TYMS: variants seen among roughly 807,000 people sequenced by gnomAD.
TYMS encodes thymidylate synthetase, also known as thymidylate synthase.
Under a neutral mutation model 39.3 loss-of-function variants are expected in TYMS, and 21 were observed. That is an observed-to-expected ratio of 0.54 (90% CI 0.38 to 0.77). The LOEUF (loss-of-function observed/expected upper bound fraction) is 0.77. Among genes scored for constraint, TYMS ranks in the 30% least tolerant of loss-of-function variants. The pLI is 0.00. For synonymous variants in TYMS, 171 were observed against 162.2 expected, an observed-to-expected ratio of 1.05 and a Z score of -0.41; for missense variants, 273 against 406.7, an observed-to-expected ratio of 0.67 and a Z score of 2.83.
At chr18:666,323 G>A (rs959395466) in intron 3 of TYMS, among the ~76,000 whole-genome samples, 5 of 151,888 alleles carry the variant, frequency 3.3e-5, no homozygotes, top group African/African-American at 2.4e-5. Context: ...TCTCCCTTTC[G>A]AGGCTGAGCC....
chr18:667,900 T>C lies in TYMS; in HGVS notation c.455-1172T>C, dbSNP rs147676914. On this transcript the variant is annotated intron_variant, in intron 3 of 6. Transcript: ENST00000323274. ...AAAAGGCCTAATAAAATTATGGTTT[T>C]AGTTTACAGTGGTATGAATGCTTAG... 1.8e-4 allele frequency: 27 copies of C among 152,142 alleles called. No individual in the cohort carries two copies. In the East Asian group the frequency reaches 5.2e-3, roughly 29 times the overall value. The allele number at this position is 152,142 out of a possible 1,614,324, so 9.4% of individuals were successfully genotyped here.
Position 670,780 on chromosome 18 carries a change from A to G in TYMS, c.645A>G (p.Arg215=). 6.2e-7 allele frequency: 1 copy of G among 1,614,000 alleles called. No individual in the cohort carries two copies. The highest frequency in any genetic ancestry group is 2.2e-5 in the East Asian group (1 of 44,870). ...AGCTGTCCTGCCAGCTGTACCAGAG[A>G]TCGGGAGACATGGGCCTCGGTGTGC... is the stretch of plus-strand genomic sequence containing the variant. ...NSELSCQLYQ[R]SGDMGLGVPF... Residue 215 remains arginine, a synonymous_variant, in exon 5 of 7, where the codon AGA becomes AGG. Transcript: ENST00000323274.
Position 671,469 on chromosome 18 carries a change from T to C in TYMS, c.804+18T>C, listed in dbSNP as rs372108627. The C allele has an allele frequency of 2.1e-4, 326 of 1,567,576 alleles. No homozygotes were observed. The highest frequency in any genetic ancestry group is 2.8e-4 in the Non-Finnish European group (315 of 1,138,500). ...AAATTCAGGTAAGAATTAGATGTTA[T>C]ACTTTTGGGTTTGGTACCTTCTCTT... On this transcript the variant is annotated intron_variant, in intron 6 of 6. Transcript: ENST00000323274.
At chr18:659,510 C>T in intron 1 of TYMS, 131 bp from the exon 2 acceptor site, 1 of 741,340 alleles carries the variant, frequency 1.3e-6, no homozygotes, top group South Asian at 1.6e-5. Flanking sequence ...ATCTCTGGCC[C>T]ACTTTGCGGG....
chr18:657,796 G>A lies in TYMS; in HGVS notation c.54G>A (p.Gln18=), dbSNP rs1432304752. The change falls in exon 1 of 7, where the codon CAG becomes CAA. Residue 18 remains glutamine (Q), a synonymous_variant. Transcript: ENST00000323274. ...LPRRPLPPAA[Q]ERDAEPRPPH... ...GCCGGCCCTTGCCCCCCGCCGCACA[G>A]GAGCGGGACGCCGAGCCGCGTCCGC... 1 of 1,462,682 alleles carries A rather than the reference G, an allele frequency of 6.8e-7. No individual in the cohort carries two copies. Among genetic ancestry groups the A allele is most frequent in the Non-Finnish European group, 9.0e-7 (1 of 1,113,840 alleles). The allele number at this position is 1,462,682 out of a possible 1,614,324, so 90.6% of individuals were successfully genotyped here.
At chr18:669,006 T>TA (rs1178686492) in intron 3 of TYMS, 66 bp from the exon 4 acceptor site, 20 of 1,359,648 alleles carry the variant, frequency 1.5e-5, no homozygotes, top group Admixed American at 5.1e-5. Context: ...AGATGACCTC[T>TA]AAGGCCATCT....
rs2074736849 is a variant in TYMS at position 659,688 on chromosome 18, T to G, written c.253T>G (p.Leu85Val). The G allele has an allele frequency of 6.2e-7, 1 of 1,614,170 alleles. No homozygotes were observed. The change falls in exon 2 of 7, where the codon TTG (leucine) becomes GTG (valine). Residue 85 changes from leucine to valine, a missense_variant. Leu to Val is a conservative substitution (Grantham distance 32). Coordinates refer to ENST00000323274, the MANE Select transcript of TYMS (RefSeq NM_001071.4). ...TTKRVFWKGV[L>V]EELLWFIKGS... ...CAAACGTGTGTTCTGGAAGGGTGTTTTGGAGGAGTTGCTGTGGTTTATCAA... is the reference window on the plus strand; with the variant it reads ...CAAACGTGTGTTCTGGAAGGGTGTTGTGGAGGAGTTGCTGTGGTTTATCAA...
At position 671,384 on chromosome 18, in the gene TYMS, G is replaced by C. The variant is rs1448674651; in HGVS notation, c.737G>C (p.Gly246Ala). Residue 246 changes from glycine to alanine, a missense_variant, in exon 6 of 7, where the codon GGT (glycine) becomes GCT (alanine). This residue lies in a region of TYMS where 228 missense variants were observed against 326.1 expected (regional missense o/e 0.70). Transcript: ENST00000323274. ...CTTTCTCCCCCGGGTTTATAGCCAGGTGACTTTATACACACTTTGGGAGAT... is the reference window on the plus strand; with the variant it reads ...CTTTCTCCCCCGGGTTTATAGCCAGCTGACTTTATACACACTTTGGGAGAT... ...MIAHITGLKP[G>A]DFIHTLGDAH... 1 of 1,609,288 alleles carries C rather than the reference G, an allele frequency of 6.2e-7. No homozygotes were observed. Among genetic ancestry groups the C allele is most frequent in the Admixed American group, 1.7e-5 (1 of 59,968 alleles).
chr18:668,038 A>C (rs2853527), intron 3 of TYMS, among the ~76,000 whole-genome samples: 2 of 139,844 alleles, frequency 1.4e-5, no homozygotes, highest in East Asian at 4.4e-4. Context: ...CCCTGGACAC[A>C]CTACCCAGTT....
chr18:665,164 G>A (rs1243436785), intron 3 of TYMS, among the ~76,000 whole-genome samples: 3 of 151,136 alleles, frequency 2.0e-5, no homozygotes, highest in Non-Finnish European at 4.4e-5. Context: ...CTTTTTGGTT[G>A]GTAAGCTATT....
rs1323046320 is a variant in TYMS at position 666,927 on chromosome 18, T to TGATGGA, written c.455-2140_455-2139insAGATGG. On this transcript the variant is annotated intron_variant, in intron 3 of 6. Transcript: ENST00000323274. ...GAGATGGTGATGGTGATGGAGATGG[T>TGATGGA]GATGGTGATGGAGATGGTGATGGTG... 1.5e-4 allele frequency among the ~76,000 whole-genome samples: 8 copies of TGATGGA among 54,662 alleles called. 2 individuals carry two copies. Among genetic ancestry groups the TGATGGA allele is most frequent in the Admixed American group, 1.1e-3 (6 of 5,356 alleles). 35.9% of individuals were successfully genotyped at this position (54,662 alleles called of 152,430 possible).
chr18:657,884 G>A lies in TYMS; in HGVS notation c.142G>A (p.Asp48Asn), dbSNP rs1470616694. Residue 48 changes from aspartate to asparagine, a missense_variant, in exon 1 of 7, where the codon GAC becomes AAC. By Grantham distance (23) the Asp-to-Asn change is conservative. Around this residue, in one of 3 missense-constraint regions of TYMS, gnomAD observed 228 missense variants for 326.1 expected, o/e 0.70. Transcript: ENST00000323274. ...QHILRCGVRK[D>N]DRTGTGTLSV... ...CATCCTCCGCTGCGGCGTCAGGAAGGACGACCGCACGGGCACCGGCACCCT... is the reference window on the plus strand; with the variant it reads ...CATCCTCCGCTGCGGCGTCAGGAAGAACGACCGCACGGGCACCGGCACCCT... 3 of 1,512,362 alleles carry A rather than the reference G, an allele frequency of 2.0e-6. No individual in the cohort carries two copies. The highest frequency in any genetic ancestry group is 2.6e-6 in the Non-Finnish European group (3 of 1,136,602). The allele number at this position is 1,512,362 out of a possible 1,614,324, so 93.7% of individuals were successfully genotyped here. A position where few individuals can be genotyped will look rare whatever the true frequency, so the allele number is the denominator to read the frequency against.
intron 3 of TYMS, among the ~76,000 whole-genome samples, chr18:663,766 A>C (rs62090106): frequency 0.28 from 19,793 of 71,794 alleles, 3,011 homozygotes; most frequent in African/African-American, 0.48. Flanking sequence ...CCATTTATTA[A>C]ATAGGGAATC....
At chr18:666,280 C>CA (rs1292507857) in intron 3 of TYMS, among the ~76,000 whole-genome samples, 1 of 151,706 alleles carries the variant, frequency 6.6e-6, no homozygotes, top group Non-Finnish European at 1.5e-5. Flanking sequence ...GGACAAGGGA[C>CA]AAAATGCCCC....
At chr18:672,822 A>G in intron 6 of TYMS, 38 bp from the exon 7 acceptor site, 1 of 1,541,590 alleles carries the variant, frequency 6.5e-7, no homozygotes, top group Non-Finnish European at 8.8e-7. Context: ...AACAGGTCGT[A>G]CAATTATGGC....
rs1385284884 is a variant in TYMS at position 662,280 on chromosome 18, G to A, written c.414G>A (p.Gln138=). 6.2e-6 allele frequency: 10 copies of A among 1,613,654 alleles called. No homozygotes were observed. Among genetic ancestry groups the A allele is most frequent in the East Asian group, 2.2e-5 (1 of 44,882 alleles). ...ACTTGGGCCCAGTTTATGGCTTCCA[G>A]TGGAGGCATTTTGGGGCAGAATACA... The part of the protein sequence containing the change: ...EGDLGPVYGF[Q]WRHFGAEYRD... The change falls in exon 3 of 7, where the codon CAG becomes CAA. Residue 138 remains glutamine, a synonymous_variant. Transcript: ENST00000323274.
Position 670,688 on chromosome 18 carries a change from T to G in TYMS, c.557-4T>G. 6.2e-7 allele frequency: 1 copy of G among 1,613,792 alleles called. No homozygotes were observed. The highest frequency in any genetic ancestry group is 8.5e-7 in the Non-Finnish European group (1 of 1,179,814). ...CTCCTTATCTTCCTCTGCTGGTTCC[T>G]CAGATCTTCCTCTGATGGCGCTGCC... On this transcript the variant is annotated splice_region_variant and splice_polypyrimidine_tract_variant and intron_variant, in intron 4 of 6. Coordinates refer to ENST00000323274, the MANE Select transcript of TYMS (RefSeq NM_001071.4).
At chr18:669,346 C>T (rs1467555741) in intron 4 of TYMS, 173 bp downstream of exon 4, 9 of 490,272 alleles carry the variant, frequency 1.8e-5, no homozygotes, top group South Asian at 2.9e-5. Context: ...ACCTTCAGAT[C>T]ATGAGGTTGG....
At chr18:659,593 C>CA in intron 1 of TYMS, 48 bp from the exon 2 acceptor site, 1 of 1,526,144 alleles carries the variant, frequency 6.6e-7, no homozygotes. Flanking sequence ...AGTTGGATGG[C>CA]ATGATCTGTC....
Sources: allele counts gnomAD v4.1 joint callset (sites outside exome capture counted in the v4.1 genomes callset), GRCh38; gene constraint gnomAD v4.1.1; regional missense constraint gnomAD v4.1.1; transcripts MANE v1.5; gene names NCBI Gene and HGNC (gene_info 2026-07-23, HGNC 2026-07-21).